MOGAT1: variants seen among roughly 807,000 people sequenced by gnomAD.
MOGAT1 encodes the protein monoacylglycerol O-acyltransferase 1.
MOGAT1 carries 32 observed loss-of-function variants against 31.4 expected under a neutral mutation model. The ratio of observed to expected loss-of-function variants is 1.02; its 90% CI spans 0.77 to 1.37. The LOEUF (loss-of-function observed/expected upper bound fraction) is 1.37, where lower values mean the gene tolerates loss of function less well. Among genes scored for constraint, MOGAT1 ranks in the 40% most tolerant of loss-of-function variants. The pLI is 0.00. For synonymous variants in MOGAT1, 145 were observed against 144.5 expected, an observed-to-expected ratio of 1.00 and a Z score of -0.03; for missense variants, 426 against 402.0, an observed-to-expected ratio of 1.06 and a Z score of -0.51.
intron 1 of MOGAT1, among the ~76,000 whole-genome samples, chr2:222,682,567 C>T (rs1335658459): frequency 1.3e-5 from 2 of 152,104 alleles, no homozygotes; most frequent in East Asian, 1.9e-4. Context: ...GTGCTAAATT[C>T]GATGATCACA....
rs2106048376 is a variant in MOGAT1 at position 222,709,804 on chromosome 2, A to G, written c.922A>G (p.Thr308Ala). The stretch of plus-strand genomic sequence containing the variant: ...GGAGCAGATTGAGGAGTTACATCAG[A>G]CCTATATGGAGGAACTTAGGAAATT... ...TQEQIEELHQTYMEELRKLFE... is the reference protein window; with the variant it reads ...TQEQIEELHQAYMEELRKLFE... The change falls in exon 6 of 6, where the codon ACC becomes GCC. Residue 308 changes from threonine (T) to alanine (A), a missense_variant. Physicochemically the swap from Thr to Ala is moderately conservative, Grantham distance 58 (BLOSUM62 0). Transcript: ENST00000446656. 4 of 1,613,702 alleles carry G rather than the reference A, an allele frequency of 2.5e-6. No homozygotes were observed. The Middle Eastern group carries it at 6.6e-4, about 266-fold the overall frequency.
intron 3 of MOGAT1, among the ~76,000 whole-genome samples, chr2:222,691,975 G>C (rs1429837374): frequency 6.6e-6 from 1 of 152,180 alleles, no homozygotes; most frequent in African/African-American, 2.4e-5. Flanking sequence ...ACCCCTTAAG[G>C]CTGGACAGGT....
chr2:222,689,522 A>C, intron 3 of MOGAT1, 53 bp downstream of exon 3: 1 of 1,519,216 alleles, frequency 6.6e-7, no homozygotes, highest in East Asian at 2.3e-5. Flanking sequence ...GCAGGAGCAC[A>C]CAGAACATTC....
At chr2:222,672,254 A>G (rs1692428503) in intron 1 of MOGAT1, among the ~76,000 whole-genome samples, 1 of 152,210 alleles carries the variant, frequency 6.6e-6, no homozygotes, top group Admixed American at 6.5e-5. Context: ...CGTTTCTCGA[A>G]CTGTTGATTC....
chr2:222,688,598 C>G, intron 2 of MOGAT1, 76 bp downstream of exon 2: 1 of 1,046,890 alleles, frequency 9.6e-7, no homozygotes, highest in Non-Finnish European at 1.4e-6. Context: ...ACATATATCT[C>G]AAGCTTCTTT....
intron 3 of MOGAT1, among the ~76,000 whole-genome samples, chr2:222,692,386 A>G (rs778183785): frequency 1.3e-5 from 2 of 152,242 alleles, no homozygotes; most frequent in Non-Finnish European, 2.9e-5. Context: ...CAGGTGCTCA[A>G]TAAATGCTTT....
intron 1 of MOGAT1, among the ~76,000 whole-genome samples, chr2:222,684,084 T>C (rs1325879911): frequency 6.6e-6 from 1 of 152,194 alleles, no homozygotes; most frequent in Non-Finnish European, 1.5e-5. Context: ...TTATAGTGTT[T>C]TCTTGTTTCA....
chr2:222,673,102 G>A (rs1182135784), intron 1 of MOGAT1, among the ~76,000 whole-genome samples: 1 of 151,298 alleles, frequency 6.6e-6, no homozygotes, highest in Non-Finnish European at 1.5e-5. Flanking sequence ...TAGTAGAGAC[G>A]GGGTTTCTCC....
At chr2:222,692,736 G>GA (rs1428823599) in intron 3 of MOGAT1, among the ~76,000 whole-genome samples, 1 of 144,206 alleles carries the variant, frequency 6.9e-6, no homozygotes, top group Non-Finnish European at 1.5e-5. Context: ...GGACAAGAGA[G>GA]ATAAGGAAGG....
intron 5 of MOGAT1, among the ~76,000 whole-genome samples, chr2:222,701,207 C>T (rs970300786): frequency 2.0e-5 from 3 of 150,962 alleles, no homozygotes; most frequent in African/African-American, 7.3e-5. Context: ...TTGAAGTGAG[C>T]GGAGATCGTG....
intron 5 of MOGAT1, 55 bp downstream of exon 5, chr2:222,695,343 TATTG>T: frequency 8.0e-7 from 1 of 1,250,526 alleles, no homozygotes; most frequent in South Asian, 1.5e-5. Flanking sequence ...TGTTTCTTGT[TATTG>T]ATTGAGGTGC....
chr2:222,699,772 A>G (rs1333172603), intron 5 of MOGAT1, among the ~76,000 whole-genome samples: 2 of 152,166 alleles, frequency 1.3e-5, no homozygotes, highest in Non-Finnish European at 2.9e-5. Flanking sequence ...TACTGGGATT[A>G]CAGGCGTGAG....
At chr2:222,704,485 G>A (rs184529009) in intron 5 of MOGAT1, among the ~76,000 whole-genome samples, 2,330 of 152,178 alleles carry the variant, frequency 0.015, 62 homozygotes, top group African/African-American at 0.053. Context: ...TTAGCCGGGC[G>A]TGGTGGTGGA....
At chr2:222,709,591 C>A in intron 5 of MOGAT1, 145 bp from the exon 6 acceptor site, 1 of 660,096 alleles carries the variant, frequency 1.5e-6, no homozygotes, top group Non-Finnish European at 2.6e-6. Flanking sequence ...CCACTGCAGG[C>A]AGCCAGTGAA....
intron 1 of MOGAT1, among the ~76,000 whole-genome samples, chr2:222,676,273 C>G (rs538898440): frequency 6.6e-6 from 1 of 152,092 alleles, no homozygotes; most frequent in South Asian, 2.1e-4. Flanking sequence ...AGGTGTGAGC[C>G]ACACTGTGCC....
intron 5 of MOGAT1, among the ~76,000 whole-genome samples, chr2:222,707,439 G>C (rs1468460011): frequency 6.6e-6 from 1 of 151,884 alleles, no homozygotes; most frequent in East Asian, 1.9e-4. Context: ...AGGCAAGGAA[G>C]GGGAAAGGGA....
intron 5 of MOGAT1, among the ~76,000 whole-genome samples, chr2:222,695,615 G>A (rs979092517): frequency 6.6e-6 from 1 of 152,082 alleles, no homozygotes; most frequent in Non-Finnish European, 1.5e-5. Flanking sequence ...TTGATGACAA[G>A]TCATATCAGA....
In MOGAT1 at chr2:222,671,790, A is replaced by G. The variant is rs1692420357; in HGVS notation, c.5A>G (p.Lys2Arg). M[K>R]VEFAPLNIQL... The stretch of plus-strand genomic sequence containing the variant: ...CCGTCCTCGCCCGGCCAGGCCATGA[A>G]GGTAGAGTTTGCACCGCTCAACATC... Residue 2 changes from lysine to arginine, a missense_variant, in exon 1 of 6, where the codon AAG becomes AGG. Lys to Arg is a conservative substitution (Grantham distance 26, BLOSUM62 2). Transcript: ENST00000446656. 2 of 1,551,892 alleles carry G rather than the reference A, an allele frequency of 1.3e-6. No individual in the cohort carries two copies. The highest frequency in any genetic ancestry group is 8.7e-7 in the Non-Finnish European group (1 of 1,147,628).
At chr2:222,702,403 CTTGTTT>C (rs1312014352) in intron 5 of MOGAT1, among the ~76,000 whole-genome samples, 1 of 152,080 alleles carries the variant, frequency 6.6e-6, no homozygotes, top group African/African-American at 2.4e-5. Context: ...GGACATTGTT[CTTGTTT>C]TTAAGTAATA....
Sources: gnomAD v4.1 joint callset for allele counts (sites outside exome capture counted in the v4.1 genomes callset) on GRCh38, gnomAD v4.1.1 for gene constraint, MANE v1.5 for transcripts, NCBI Gene and HGNC (gene_info 2026-07-23, HGNC 2026-07-21) for gene names.